Variants in CNIH3 observed in about 807,000 individuals in gnomAD.
CNIH3 encodes the protein protein cornichon homolog 3.
In CNIH3, 14 loss-of-function variants were observed where a neutral mutation model predicts 24.1. That is an observed-to-expected ratio of 0.58 (90% CI 0.38 to 0.91). The LOEUF (loss-of-function observed/expected upper bound fraction) is 0.91, where lower values mean the gene tolerates loss of function less well. CNIH3 is among the 40% of genes least tolerant of loss of function. CNIH3 has a pLI of 0.00. For synonymous variants in CNIH3, 68 were observed against 73.8 expected (o/e 0.92, Z 0.40); for missense variants, 178 against 196.8 (o/e 0.90, Z 0.57).
chr1:224,499,911 A>AG (rs1677585880), intron 1 of CNIH3, among the ~76,000 whole-genome samples: 1 of 151,840 alleles, frequency 6.6e-6, no homozygotes, highest in African/African-American at 2.4e-5. Flanking sequence ...CAAAAAAAAA[A>AG]AAAGAAAAAA....
chr1:224,672,822 A>G (rs555669039), intron 1 of CNIH3, among the ~76,000 whole-genome samples: 253 of 152,320 alleles, frequency 1.7e-3, no homozygotes, highest in Middle Eastern at 3.4e-3. Context: ...CCTAATACAA[A>G]TAGGAGTATG....
chr1:224,717,618 G>A (rs1409944052), intron 3 of CNIH3: 2 of 152,112 alleles, frequency 1.3e-5, no homozygotes, highest in African/African-American at 2.4e-5. Flanking sequence ...AGTCACTTAG[G>A]TTTTCGGTTT....
At chr1:224,447,325 C>A (rs1165489976) in intron 1 of CNIH3, among the ~76,000 whole-genome samples, 8 of 152,142 alleles carry the variant, frequency 5.3e-5, no homozygotes, top group Non-Finnish European at 1.0e-4. Context: ...GGCCAGAGAG[C>A]CGGGAGTTCT....
chr1:224,439,764 A>G (rs1436974233), intron 1 of CNIH3, among the ~76,000 whole-genome samples: 1 of 149,494 alleles, frequency 6.7e-6, no homozygotes, highest in Admixed American at 6.6e-5. Context: ...GGCGTGCACC[A>G]CCATCCCCAG....
At chr1:224,503,891 C>T (rs1049511668) in intron 1 of CNIH3, among the ~76,000 whole-genome samples, 4 of 152,226 alleles carry the variant, frequency 2.6e-5, no homozygotes, top group South Asian at 2.1e-4. Flanking sequence ...GGCCTCTGGC[C>T]GCTCCAGGAG....
chr1:224,635,226 A>G (rs1263150258), intron 1 of CNIH3, among the ~76,000 whole-genome samples: 1 of 152,052 alleles, frequency 6.6e-6, no homozygotes, highest in African/African-American at 2.4e-5. Flanking sequence ...GATCTCACTC[A>G]CTATCATGAG....
chr1:224,469,094 T>C (rs1368037838), intron 1 of CNIH3, among the ~76,000 whole-genome samples: 1 of 152,104 alleles, frequency 6.6e-6, no homozygotes, highest in Non-Finnish European at 1.5e-5. Context: ...TTTTATTTTA[T>C]TTTTTAGACA....
chr1:224,515,211 A>G (rs1678332247), upstream of CNIH3, among the ~76,000 whole-genome samples: 1 of 152,222 alleles, frequency 6.6e-6, no homozygotes, highest in Non-Finnish European at 1.5e-5. Context: ...TGATTTGATT[A>G]CCACTCTTTA....
intron 2 of CNIH3, among the ~76,000 whole-genome samples, chr1:224,682,132 C>G (rs1171312502): frequency 2.0e-5 from 3 of 152,154 alleles, no homozygotes; most frequent in African/African-American, 4.8e-5. Context: ...ACCAAAAGAC[C>G]ATATGGAAGA....
intron 1 of CNIH3, among the ~76,000 whole-genome samples, chr1:224,450,133 T>C (rs1675333194): frequency 6.6e-6 from 1 of 152,156 alleles, no homozygotes; most frequent in Admixed American, 6.5e-5. Flanking sequence ...GCAAGACACT[T>C]CAAGGTGCTA....
intron 3 of CNIH3, among the ~76,000 whole-genome samples, chr1:224,560,309 C>T (rs1171703635): frequency 6.6e-6 from 1 of 152,108 alleles, no homozygotes; most frequent in East Asian, 1.9e-4. Context: ...AACAGTTTTC[C>T]AAAGTGGTGG....
intron 3 of CNIH3, among the ~76,000 whole-genome samples, chr1:224,555,110 G>T (rs1680084756): frequency 1.3e-5 from 2 of 152,108 alleles, no homozygotes; most frequent in Admixed American, 1.3e-4. Context: ...GATTGTGTTA[G>T]CTCAGTTCCC....
At chr1:224,657,725 C>G (rs1238581763) in intron 1 of CNIH3, among the ~76,000 whole-genome samples, 1 of 152,122 alleles carries the variant, frequency 6.6e-6, no homozygotes, top group Non-Finnish European at 1.5e-5. Context: ...CCAAAGTTGT[C>G]AGAAATCTGC....
chr1:224,523,033 G>A (rs1205269055), intron 2 of CNIH3, among the ~76,000 whole-genome samples: 2 of 152,160 alleles, frequency 1.3e-5, no homozygotes, highest in Middle Eastern at 3.4e-3. Flanking sequence ...CCAGGAATTC[G>A]AGACCAGCCT....
chr1:224,590,311 C>T (rs1404409988), downstream of CNIH3, among the ~76,000 whole-genome samples: 1 of 152,140 alleles, frequency 6.6e-6, no homozygotes, highest in Non-Finnish European at 1.5e-5. Flanking sequence ...TTATTGGTTC[C>T]TTTGGGTTGT....
upstream of CNIH3, among the ~76,000 whole-genome samples, chr1:224,512,767 GGTAC>G (rs1678208639): frequency 1.3e-5 from 2 of 152,134 alleles, no homozygotes; most frequent in Non-Finnish European, 2.9e-5. Context: ...TATTGTCATG[GGTAC>G]GTGCCCTCCC....
intron 1 of CNIH3, among the ~76,000 whole-genome samples, chr1:224,461,234 C>T (rs1675901834): frequency 6.6e-6 from 1 of 152,074 alleles, no homozygotes; most frequent in East Asian, 1.9e-4. Context: ...AACACGTGAC[C>T]TCAAGTGACC....
intron 1 of CNIH3, among the ~76,000 whole-genome samples, chr1:224,644,505 A>G (rs1396085939): frequency 6.6e-6 from 1 of 152,134 alleles, no homozygotes; most frequent in Non-Finnish European, 1.5e-5. Context: ...GTCTGGCTCT[A>G]ATATTATGCC....
At chr1:224,554,656 T>C (rs1680062921) in intron 3 of CNIH3, among the ~76,000 whole-genome samples, 2 of 152,050 alleles carry the variant, frequency 1.3e-5, no homozygotes, top group Admixed American at 1.3e-4. Context: ...TGATCACGGC[T>C]TAGTGAAGCC....
Sources: gnomAD v4.1 joint callset for allele counts (sites outside exome capture counted in the v4.1 genomes callset) on GRCh38, gnomAD v4.1.1 for gene constraint, MANE v1.5 for transcripts, NCBI Gene and HGNC (gene_info 2026-07-23, HGNC 2026-07-21) for gene names.